FAM110B: variants seen among roughly 807,000 people sequenced by gnomAD.
FAM110B encodes protein FAM110B.
A neutral mutation model predicts 20.4 loss-of-function variants in FAM110B; 6 were observed. That is an observed-to-expected ratio of 0.29 (90% confidence interval 0.16 to 0.58). The LOEUF (loss-of-function observed/expected upper bound fraction) is 0.58, where lower values mean the gene tolerates loss of function less well. FAM110B is among the 20% of genes least tolerant of loss of function. The pLI is 0.90. For synonymous variants in FAM110B, 226 were observed against 214.1 expected (o/e 1.06, Z -0.49); for missense variants, 434 against 498.2 (o/e 0.87, Z 1.23).
rs949685505 is a variant in FAM110B, at chr8:58,010,888, G to A, written c.-512+16082G>A. ...AATTTTTCTACAGCTACGGTGGAAA[G>A]CTTGGCAATGTCTGCTTTGACAAAT... On this transcript the variant is annotated intron_variant, in intron 1 of 3. Coordinates refer to ENST00000519262, the MANE Select transcript of FAM110B (RefSeq NM_001377989.1). Among the ~76,000 whole-genome samples the A allele has an allele frequency of 3.3e-5, 5 of 152,186 alleles. No individual in the cohort carries two copies. In the East Asian group the frequency reaches 9.6e-4, roughly 29 times the overall value.
intron 3 of FAM110B, among the ~76,000 whole-genome samples, chr8:58,114,779 A>G (rs1299990303): frequency 6.6e-6 from 1 of 152,222 alleles, no homozygotes; most frequent in Non-Finnish European, 1.5e-5. Context: ...GGAGATGAAT[A>G]ATATTTTATC....
At chr8:58,119,372 A>G (rs1252504999) in intron 3 of FAM110B, among the ~76,000 whole-genome samples, 1 of 152,218 alleles carries the variant, frequency 6.6e-6, no homozygotes, top group Non-Finnish European at 1.5e-5. Flanking sequence ...ATGTCCTCGC[A>G]TGGGGGAAGG....
At chr8:58,034,092 T>C (rs1805027206) in intron 2 of FAM110B, among the ~76,000 whole-genome samples, 1 of 152,156 alleles carries the variant, frequency 6.6e-6, no homozygotes, top group Non-Finnish European at 1.5e-5. Flanking sequence ...ACAAAATCAG[T>C]AGTCCAGAGC....
At chr8:58,011,820 T>C (rs915788808) in intron 1 of FAM110B, among the ~76,000 whole-genome samples, 1 of 152,200 alleles carries the variant, frequency 6.6e-6, no homozygotes, top group Non-Finnish European at 1.5e-5. Flanking sequence ...ATCCATGGCT[T>C]TGCTTCCATC....
chr8:58,133,530 G>A (rs752061470), intron 3 of FAM110B, among the ~76,000 whole-genome samples: 9 of 152,206 alleles, frequency 5.9e-5, no homozygotes, highest in Non-Finnish European at 1.2e-4. Context: ...GGAAGGATGG[G>A]ACTCAGAGGG....
chr8:58,040,482 C>G (rs951133093), intron 2 of FAM110B, among the ~76,000 whole-genome samples: 11 of 152,140 alleles, frequency 7.2e-5, no homozygotes, highest in African/African-American at 2.7e-4. Context: ...AGAGACCAGG[C>G]ACTCCAGGGC....
intron 3 of FAM110B, among the ~76,000 whole-genome samples, chr8:58,083,758 G>A (rs1379190227): frequency 6.6e-6 from 1 of 152,148 alleles, no homozygotes; most frequent in Non-Finnish European, 1.5e-5. Flanking sequence ...TACGTATCCA[G>A]TGTCTAGTTT....
intron 2 of FAM110B, among the ~76,000 whole-genome samples, chr8:58,060,020 G>T (rs1805623628): frequency 6.6e-6 from 1 of 151,806 alleles, no homozygotes. Context: ...TTGTCTTAGT[G>T]CCTTTGTTAA....
intron 1 of FAM110B, among the ~76,000 whole-genome samples, chr8:57,996,970 C>G (rs1429087319): frequency 6.6e-6 from 1 of 152,268 alleles, no homozygotes; most frequent in East Asian, 1.9e-4. Flanking sequence ...ATTGTGTTTC[C>G]TATTTAGATA....
At chr8:57,998,792 T>C (rs1206403185) in intron 1 of FAM110B, among the ~76,000 whole-genome samples, 1 of 152,204 alleles carries the variant, frequency 6.6e-6, no homozygotes, top group Non-Finnish European at 1.5e-5. Context: ...AATTAAGATA[T>C]AAGGCTTCTC....
intron 2 of FAM110B, chr8:58,043,120 C>T (rs1805253351): frequency 6.6e-6 from 1 of 152,344 alleles, no homozygotes; most frequent in South Asian, 2.1e-4. Context: ...GGCAGTTATT[C>T]CCTTGTAGGA....
At chr8:58,106,885 T>C (rs1806931434) in intron 3 of FAM110B, among the ~76,000 whole-genome samples, 1 of 152,262 alleles carries the variant, frequency 6.6e-6, no homozygotes, top group Non-Finnish European at 1.5e-5. Context: ...TGTCAGTTAC[T>C]GTTTTATAGT....
intron 3 of FAM110B, among the ~76,000 whole-genome samples, chr8:58,078,275 T>C (rs563374062): frequency 1.4e-4 from 21 of 152,334 alleles, no homozygotes; most frequent in African/African-American, 4.8e-4. Flanking sequence ...TGAAATAAAA[T>C]GATATTGTAA....
chr8:58,130,814 T>C (rs538142038), intron 3 of FAM110B, among the ~76,000 whole-genome samples: 107 of 152,216 alleles, frequency 7.0e-4, no homozygotes, highest in Non-Finnish European at 1.2e-3. Context: ...GATGATGAAA[T>C]TATCACTCAT....
intron 1 of FAM110B, among the ~76,000 whole-genome samples, chr8:57,999,198 T>C (rs1048479799): frequency 3.9e-5 from 6 of 152,170 alleles, no homozygotes; most frequent in Non-Finnish European, 8.8e-5. Flanking sequence ...TTGTAAACAC[T>C]TTAGAGAGAA....
At chr8:58,059,108 A>G (rs1805606367) in intron 2 of FAM110B, among the ~76,000 whole-genome samples, 1 of 152,148 alleles carries the variant, frequency 6.6e-6, no homozygotes, top group Non-Finnish European at 1.5e-5. Flanking sequence ...TCTTCCTCTT[A>G]TATCAGTAGG....
At chr8:58,080,285 A>T (rs1034546120) in intron 3 of FAM110B, among the ~76,000 whole-genome samples, 1 of 152,244 alleles carries the variant, frequency 6.6e-6, no homozygotes, top group South Asian at 2.1e-4. Context: ...GTAGAATGGA[A>T]AGGTTACAAG....
At chr8:58,072,567 A>G (rs1460590011) in intron 2 of FAM110B, among the ~76,000 whole-genome samples, 1 of 152,226 alleles carries the variant, frequency 6.6e-6, no homozygotes, top group African/African-American at 2.4e-5. Context: ...AACTAAATTA[A>G]GGAGACTCTT....
In FAM110B at chr8:58,124,356, G is replaced by C. The variant is rs1314410276; in HGVS notation, c.-324-21551G>C. Among the ~76,000 whole-genome samples, 3 of 152,202 alleles carry C rather than the reference G, an allele frequency of 2.0e-5. No individual in the cohort carries two copies. In the East Asian group the frequency reaches 5.8e-4, roughly 29 times the overall value. ...GCACAGCAGACCATTGCTAAGAGGAGTTGTAGTGGATCAATTCTTGGGTTG... is the reference window on the plus strand; with the variant it reads ...GCACAGCAGACCATTGCTAAGAGGACTTGTAGTGGATCAATTCTTGGGTTG... On this transcript the variant is annotated intron_variant, in intron 3 of 3. Transcript: ENST00000519262.
Sources: gnomAD v4.1 joint callset for allele counts (sites outside exome capture counted in the v4.1 genomes callset) on GRCh38, gnomAD v4.1.1 for gene constraint, MANE v1.5 for transcripts, NCBI Gene and HGNC (gene_info 2026-07-23, HGNC 2026-07-21) for gene names.